Variants in PRDM2 observed in about 807,000 individuals in gnomAD.
PRDM2 encodes PR/SET domain 2.
PRDM2 carries 30 observed loss-of-function variants against 130.0 expected under a neutral mutation model. The ratio of observed to expected loss-of-function variants is 0.23; its 90% CI spans 0.17 to 0.31. The LOEUF is 0.31. Among genes scored for constraint, PRDM2 ranks in the 10% least tolerant of loss-of-function variants. The pLI, the probability that PRDM2 is intolerant of heterozygous loss-of-function variation, is 1.00. For synonymous variants in PRDM2, 871 were observed against 782.4 expected (o/e 1.11, Z -1.89); for missense variants, 2,011 against 2,108.4 (o/e 0.95, Z 0.90).
At position 13,707,846 on chromosome 1, in the gene PRDM2, G is replaced by A. The variant is rs183396102; in HGVS notation, c.-66+7546G>A. 1.3e-4 allele frequency among the ~76,000 whole-genome samples: 20 copies of A among 150,800 alleles called. No homozygotes were observed. The East Asian group carries it at 3.7e-3, about 28-fold the overall frequency. On this transcript the variant is annotated intron_variant, in intron 1 of 9. Coordinates refer to ENST00000311066, the MANE Select transcript of PRDM2 (RefSeq NM_001393986.1). ...CTTTTTTTTTTTTTTTGTACTGTTGGAGGGGAGGAATATCCTATAGTGAGA... is the reference window on the plus strand; with the variant it reads ...CTTTTTTTTTTTTTTTGTACTGTTGAAGGGGAGGAATATCCTATAGTGAGA...
Position 13,779,587 on chromosome 1 carries a change from A to G in PRDM2, c.1792A>G (p.Ile598Val), listed in dbSNP as rs1429756368. The G allele has an allele frequency of 1.2e-6, 2 of 1,614,140 alleles. No individual in the cohort carries two copies. Among genetic ancestry groups the G allele is most frequent in the East Asian group, 2.2e-5 (1 of 44,888 alleles). Reference protein sequence around the residue: ...MESASADLYGINCLLTPVTVE... With the variant: ...MESASADLYGVNCLLTPVTVE... ...GTCTGCTTCGGCAGATTTGTATGGT[A>G]TAAATTGTCTGCTCACTCCAGTTAC... The change falls in exon 8 of 10, where the codon ATA becomes GTA. Residue 598 changes from isoleucine to valine, a missense_variant. By Grantham distance (29) the Ile-to-Val change is conservative. Coordinates refer to ENST00000311066, the MANE Select transcript of PRDM2 (RefSeq NM_001393986.1). The surrounding 1 kb of genome is among the most constrained non-coding windows in gnomAD (Gnocchi z 4.9).
In PRDM2 at chr1:13,806,400, T is replaced by A. The variant is rs918546204; in HGVS notation, c.5037-10027T>A. 1.3e-5 allele frequency among the ~76,000 whole-genome samples: 2 copies of A among 152,132 alleles called. No homozygotes were observed. Among genetic ancestry groups the A allele is most frequent in the Non-Finnish European group, 2.9e-5 (2 of 67,998 alleles). The stretch of plus-strand genomic sequence containing the variant: ...GTTTCCACCCTCATCAGAATCTCCA[T>A]TCAGCCGCCCACCTGACATCTCCCT... On this transcript the variant is annotated intron_variant, in intron 8 of 9. Transcript: ENST00000311066. The surrounding 1 kb of genome is among the most constrained non-coding windows in gnomAD (Gnocchi z 4.1).
intron 6 of PRDM2, among the ~76,000 whole-genome samples, chr1:13,764,445 CA>C (rs1204751903): frequency 9.9e-5 from 15 of 152,212 alleles, no homozygotes; most frequent in African/African-American, 3.1e-4. Flanking sequence ...GTTCATGCCA[CA>C]ACACTTTTTG....
In PRDM2 at chr1:13,797,202, T is replaced by C. The variant is rs368287065; in HGVS notation, c.5036+14371T>C. ...CTGCCCATGAAATGGATTTCTCTTA[T>C]GGATTCAGGATGTTACTCTGGAATT... On this transcript the variant is annotated intron_variant, in intron 8 of 9. Transcript: ENST00000311066. Among the ~76,000 whole-genome samples the C allele has an allele frequency of 2.6e-5, 4 of 152,250 alleles. No individual in the cohort carries two copies. The East Asian group carries it at 5.8e-4, about 22-fold the overall frequency.
At chr1:13,813,031 G>A (rs1419398445) in intron 8 of PRDM2, among the ~76,000 whole-genome samples, 1 of 152,188 alleles carries the variant, frequency 6.6e-6, no homozygotes, top group African/African-American at 2.4e-5. Flanking sequence ...CGGCCATACT[G>A]CATCCTCCTG....
chr1:13,751,720 T>C (rs1242431364), intron 6 of PRDM2, among the ~76,000 whole-genome samples: 2 of 152,152 alleles, frequency 1.3e-5, no homozygotes, highest in Non-Finnish European at 2.9e-5. Context: ...ACAGTGGGCT[T>C]GACTTCATTT....
At chr1:13,754,564 G>A (rs999537197) in intron 6 of PRDM2, among the ~76,000 whole-genome samples, 4 of 152,232 alleles carry the variant, frequency 2.6e-5, no homozygotes, top group Admixed American at 6.5e-5. Flanking sequence ...AGAAGTGACA[G>A]CATTGGTTCC....
Position 13,710,304 on chromosome 1 carries a change from C to T in PRDM2, c.-65-5237C>T, listed in dbSNP as rs556215692. 4.6e-5 allele frequency among the ~76,000 whole-genome samples: 7 copies of T among 152,296 alleles called. No homozygotes were observed. In the East Asian group the frequency reaches 7.7e-4, roughly 17 times the overall value. On this transcript the variant is annotated intron_variant, in intron 1 of 9. Coordinates refer to ENST00000311066, the MANE Select transcript of PRDM2 (RefSeq NM_001393986.1). ...CTAGATTTTCTGGTCTCTGGACTTC[C>T]GTGTCAGAAGACAGCAGCTTAACAG...
rs113215890 is a variant in PRDM2 at position 13,730,827 on chromosome 1, A to G, written c.10-173A>G. ...AGTGGTTTCCTTTGGACAGTTACAA[A>G]CAAGCATCAAAGCAGCTCCTCAAAT... is the stretch of plus-strand genomic sequence containing the variant. On this transcript the variant is annotated intron_variant, in intron 2 of 9. Transcript: ENST00000311066. 5.1e-3 allele frequency among the ~76,000 whole-genome samples: 780 copies of G among 152,114 alleles called. 9 individuals are homozygous for G. The highest frequency in any genetic ancestry group is 0.017 in the African/African-American group (725 of 41,478).
At chr1:13,821,317 A>G (rs567015935) in intron 9 of PRDM2, among the ~76,000 whole-genome samples, 1 of 152,246 alleles carries the variant, frequency 6.6e-6, no homozygotes, top group South Asian at 2.1e-4. Flanking sequence ...TATTAGTGGT[A>G]GTAATAATAA....
In PRDM2 at chr1:13,766,350, C is replaced by T. The variant is rs145265236; in HGVS notation, c.512-6728C>T. Among the ~76,000 whole-genome samples, 611 of 152,212 alleles carry T rather than the reference C, an allele frequency of 4.0e-3. 3 individuals are homozygous for T. Among genetic ancestry groups the T allele is most frequent in the South Asian group, 0.017 (80 of 4,818 alleles). On this transcript the variant is annotated intron_variant, in intron 6 of 9. Transcript: ENST00000311066. ...AGATAGTAGTGTCTTAAGGCTGGGACGAGGAATTCTAAGAATGAAAGAAAT... is the reference window on the plus strand; with the variant it reads ...AGATAGTAGTGTCTTAAGGCTGGGATGAGGAATTCTAAGAATGAAAGAAAT...
intron 1 of PRDM2, among the ~76,000 whole-genome samples, chr1:13,710,051 A>C (rs1446945570): frequency 6.6e-6 from 1 of 152,232 alleles, no homozygotes; most frequent in African/African-American, 2.4e-5. Context: ...GATGTAAACT[A>C]ATCTTTAAAA....
chr1:13,802,222 C>T (rs996593603), intron 8 of PRDM2, among the ~76,000 whole-genome samples: 4 of 152,132 alleles, frequency 2.6e-5, no homozygotes, highest in African/African-American at 4.8e-5. Context: ...GAACAACACC[C>T]GTTCAGGCAC....
chr1:13,718,153 T>A (rs1044893689), intron 2 of PRDM2, among the ~76,000 whole-genome samples: 10 of 152,104 alleles, frequency 6.6e-5, no homozygotes, highest in Non-Finnish European at 1.2e-4. Context: ...ACAACAAAAT[T>A]CAGATATAAA....
intron 8 of PRDM2, among the ~76,000 whole-genome samples, chr1:13,790,741 T>G (rs1644825726): frequency 7.0e-6 from 1 of 142,638 alleles, no homozygotes; most frequent in Admixed American, 7.1e-5. Flanking sequence ...GCGAAACTGC[T>G]CCTTGGTGCC....
intron 6 of PRDM2, among the ~76,000 whole-genome samples, chr1:13,757,229 A>C (rs182794026): frequency 6.6e-6 from 1 of 152,346 alleles, no homozygotes; most frequent in East Asian, 1.9e-4. Context: ...CACCCCAAAT[A>C]GTTTTTAAAA....
chr1:13,802,475 T>C (rs898409045), intron 8 of PRDM2, among the ~76,000 whole-genome samples: 1 of 152,200 alleles, frequency 6.6e-6, no homozygotes, highest in African/African-American at 2.4e-5. Context: ...TCAGGCATCA[T>C]GTTCTAGAAA....
chr1:13,801,479 G>C (rs1645006081), intron 8 of PRDM2, among the ~76,000 whole-genome samples: 1 of 152,184 alleles, frequency 6.6e-6, no homozygotes, highest in Admixed American at 6.5e-5. Flanking sequence ...ACGCCCGTTT[G>C]GTTTCACAAG....
chr1:13,786,640 G>C, intron 8 of PRDM2: 1 of 1,561,084 alleles, frequency 6.4e-7, no homozygotes, highest in Non-Finnish European at 8.6e-7. Flanking sequence ...AAGACCAGTT[G>C]AAGCTGACTC....
Sources: gnomAD v4.1 joint callset for allele counts (sites outside exome capture counted in the v4.1 genomes callset) on GRCh38, gnomAD v4.1.1 for gene constraint, Gnocchi (gnomAD v3.1) non-coding constraint, MANE v1.5 for transcripts, NCBI Gene and HGNC (gene_info 2026-07-23, HGNC 2026-07-21) for gene names.